UNC79: variants seen among roughly 807,000 people sequenced by gnomAD.
UNC79 encodes the protein protein unc-79 homolog.
In UNC79, 37 loss-of-function variants were observed where a neutral mutation model predicts 283.1. That is an observed-to-expected ratio of 0.13 (90% confidence interval 0.10 to 0.17). UNC79 has a LOEUF of 0.17. Among genes scored for constraint, UNC79 ranks in the 10% least tolerant of loss-of-function variants. The pLI, the probability that UNC79 is intolerant of heterozygous loss-of-function variation, is 1.00. For missense variants in UNC79, 2,272 were observed against 3,211.1 expected (o/e 0.71, Z 7.07); for synonymous variants, 1,107 against 1,200.2 (o/e 0.92, Z 1.61).
intron 13 of UNC79, among the ~76,000 whole-genome samples, chr14:93,542,015 A>C (rs1365210906): frequency 6.6e-6 from 1 of 151,512 alleles, no homozygotes; most frequent in Non-Finnish European, 1.5e-5. Flanking sequence ...AAAAAAAAAA[A>C]AAAAAAAAAA....
chr14:93,422,129 C>A (rs1220589527), intron 1 of UNC79, among the ~76,000 whole-genome samples: 1 of 151,664 alleles, frequency 6.6e-6, no homozygotes, highest in Non-Finnish European at 1.5e-5. Context: ...TATGGTATGG[C>A]CTGCTTTTAT....
At chr14:93,411,473 T>A (rs996122652) in intron 1 of UNC79, among the ~76,000 whole-genome samples, 9 of 152,142 alleles carry the variant, frequency 5.9e-5, no homozygotes, top group African/African-American at 1.2e-4. Flanking sequence ...CAGGTAGTGG[T>A]TATAGTTAGC....
chr14:93,652,751 A>G (rs1026508966), intron 35 of UNC79, among the ~76,000 whole-genome samples: 3 of 152,330 alleles, frequency 2.0e-5, no homozygotes, highest in African/African-American at 4.8e-5. Flanking sequence ...CTTTTAATCT[A>G]TAGCTGGATT....
intron 1 of UNC79, among the ~76,000 whole-genome samples, chr14:93,382,124 G>A (rs1475531182): frequency 1.3e-5 from 2 of 152,040 alleles, no homozygotes; most frequent in African/African-American, 4.8e-5. Context: ...TTTATCTTCT[G>A]GTTCCTAATA....
At position 93,501,350 on chromosome 14, in the gene UNC79, AAAG is replaced by A. The variant is rs569788960; in HGVS notation, c.898+4065_898+4067del. Among the ~76,000 whole-genome samples the A allele has an allele frequency of 4.7e-3, 719 of 152,198 alleles. 5 individuals are homozygous for A. The highest frequency in any genetic ancestry group is 6.3e-3 in the Non-Finnish European group (426 of 68,012). ...AAAACATAAAAATAAATTAAAAAAA[AAAG>A]CAAAATTTTTTTTTAAAAAGGAAAA... On this transcript the variant is annotated intron_variant, in intron 7 of 48. Coordinates refer to ENST00000555664, the Ensembl canonical transcript of UNC79.
exon 33 of UNC79, chr14:93,641,197 G>A: frequency 6.2e-7 from 1 of 1,613,746 alleles, no homozygotes; most frequent in Non-Finnish European, 8.5e-7. Context: ...GTATGTTTGT[G>A]CCTGCACCTG....
At chr14:93,381,318 C>G (rs117537107) in intron 1 of UNC79, among the ~76,000 whole-genome samples, 1 of 152,140 alleles carries the variant, frequency 6.6e-6, no homozygotes, top group East Asian at 1.9e-4. Flanking sequence ...TGTGACTCCC[C>G]CCAGAAGGAG....
chr14:93,397,761 ATT>A (rs35050949), intron 1 of UNC79, among the ~76,000 whole-genome samples: 4 of 139,176 alleles, frequency 2.9e-5, no homozygotes, highest in Admixed American at 7.2e-5. Flanking sequence ...GGTTGGAGTC[ATT>A]TTTTTTTTTT....
chr14:93,512,741 C>T (rs2140878254), intron 7 of UNC79, among the ~76,000 whole-genome samples: 1 of 152,130 alleles, frequency 6.6e-6, no homozygotes, highest in East Asian at 1.9e-4. Flanking sequence ...CTATTTTTTA[C>T]AGTTTTCATC....
At chr14:93,676,692 A>G (rs1381437645) in intron 41 of UNC79, among the ~76,000 whole-genome samples, 2 of 152,252 alleles carry the variant, frequency 1.3e-5, no homozygotes, top group Admixed American at 1.3e-4. Flanking sequence ...GCAATACATT[A>G]GTCAACTGTA....
At chr14:93,647,946 A>T (rs1158508261) in intron 35 of UNC79, among the ~76,000 whole-genome samples, 1 of 152,162 alleles carries the variant, frequency 6.6e-6, no homozygotes, top group African/African-American at 2.4e-5. Context: ...AAACCATCAG[A>T]TCTCGTGAGA....
intron 4 of UNC79, among the ~76,000 whole-genome samples, chr14:93,483,268 G>T (rs1180025765): frequency 6.6e-6 from 1 of 152,006 alleles, no homozygotes; most frequent in Non-Finnish European, 1.5e-5. Context: ...GTAGAATAGC[G>T]CTGTCTACAG....
At position 93,621,531 on chromosome 14, in the gene UNC79, T is replaced by C; in HGVS notation, c.4388-90T>C. 1 of 1,385,214 alleles carries C rather than the reference T, an allele frequency of 7.2e-7. No homozygotes were observed. The highest frequency in any genetic ancestry group is 9.5e-7 in the Non-Finnish European group (1 of 1,057,630). 85.8% of individuals were successfully genotyped at this position (1,385,214 alleles called of 1,614,324 possible). ...CCTGGTGGAGCTGGGATTGTGATGA[T>C]GATTTATGCCAATTGTATGCCCAAG... is the stretch of plus-strand genomic sequence containing the variant. On this transcript the variant is annotated intron_variant, in intron 29 of 48. Coordinates refer to ENST00000555664, the Ensembl canonical transcript of UNC79. The surrounding 1 kb of genome is among the most constrained non-coding windows in gnomAD (Gnocchi z 4.8).
chr14:93,340,278 T>G (rs946916246), intron 1 of UNC79, among the ~76,000 whole-genome samples: 1 of 151,944 alleles, frequency 6.6e-6, no homozygotes, highest in African/African-American at 2.4e-5. Context: ...CCATCTCTAC[T>G]AAAAATATAA....
chr14:93,699,446 G>C (rs976351573), intron 47 of UNC79, among the ~76,000 whole-genome samples: 1 of 152,064 alleles, frequency 6.6e-6, no homozygotes, highest in African/African-American at 2.4e-5. Context: ...TGTTTTAGCT[G>C]CTTTCCCCCA....
chr14:93,424,029 TAATC>T lies in UNC79; in HGVS notation c.-350-43641_-350-43638del, dbSNP rs201848807. 2.8e-3 allele frequency among the ~76,000 whole-genome samples: 423 copies of T among 152,264 alleles called. 1 individual carries two copies. Among genetic ancestry groups the T allele is most frequent in the African/African-American group, 9.7e-3 (404 of 41,566 alleles). ...ACAACTCTGTAGGAAAAAAATCTAA[TAATC>T]CAATTCAAAAGTGGGCAAAAGATTT... On this transcript the variant is annotated intron_variant, in intron 1 of 49. Transcript: ENST00000256339.
chr14:93,571,983 G>A, exon 15 of UNC79: 1 of 1,614,160 alleles, frequency 6.2e-7, no homozygotes, highest in Non-Finnish European at 8.5e-7. Flanking sequence ...CCTATAATGT[G>A]ATCAATCAAT....
chr14:93,469,087 G>A (rs1006814648), intron 2 of UNC79, among the ~76,000 whole-genome samples: 8 of 152,312 alleles, frequency 5.3e-5, no homozygotes, highest in African/African-American at 1.9e-4. Flanking sequence ...GAAGCATGCT[G>A]AATTCCATTT....
Position 93,486,656 on chromosome 14 carries a change from G to GAAAA in UNC79, c.620-1007_620-1006insAAAA, listed in dbSNP as rs374088349. Among the ~76,000 whole-genome samples the GAAAA allele has an allele frequency of 8.8e-3, 640 of 72,684 alleles. 15 individuals are homozygous for GAAAA. Among genetic ancestry groups the GAAAA allele is most frequent in the East Asian group, 0.019 (28 of 1,460 alleles). The allele number at this position is 72,684 out of a possible 152,430, so 47.7% of individuals were successfully genotyped here. On this transcript the variant is annotated intron_variant, in intron 4 of 48. Coordinates refer to ENST00000555664, the Ensembl canonical transcript of UNC79. Reference sequence around the variant, plus strand: ...GCAACAAGAGTGAGACTCTGTCTAAGGAAAAAAAAAAAAAAAAAAAAAGAA... The same window carrying GAAAA: ...GCAACAAGAGTGAGACTCTGTCTAAGAAAAGAAAAAAAAAAAAAAAAAAAAAGAA...
Sources: allele counts gnomAD v4.1 joint callset (sites outside exome capture counted in the v4.1 genomes callset), GRCh38; gene constraint gnomAD v4.1.1; non-coding constraint Gnocchi (gnomAD v3.1); transcripts MANE v1.5; gene names NCBI Gene and HGNC (gene_info 2026-07-23, HGNC 2026-07-21).